The following HIVEP1 variants were observed in gnomAD, a reference collection of about 807,000 sequenced individuals.
HIVEP1 encodes zinc finger protein 40.
In HIVEP1, 36 loss-of-function variants were observed where a neutral mutation model predicts 180.0. The ratio of observed to expected loss-of-function variants is 0.20; its 90% CI spans 0.15 to 0.26. HIVEP1 has a LOEUF of 0.26. Ranked by LOEUF, HIVEP1 falls within the 10% of genes least tolerant of loss-of-function variation. The probability of loss-of-function intolerance (pLI) is 1.00; values close to 1 mark genes in which losing one functional copy is unlikely to be tolerated. For missense variants in HIVEP1, 3,143 were observed against 3,268.7 expected, an observed-to-expected ratio of 0.96 and a Z score of 0.94; for synonymous variants, 1,239 against 1,239.0, an observed-to-expected ratio of 1.00 and a Z score of 0.00.
chr6:12,049,625 G>A (rs1343715386), intron 2 of HIVEP1, among the ~76,000 whole-genome samples: 1 of 152,194 alleles, frequency 6.6e-6, no homozygotes, highest in African/African-American at 2.4e-5. Flanking sequence ...GTATTTTTCT[G>A]TCTGCTTGCT....
rs1001160729 is a variant in HIVEP1, at chr6:12,121,269, A to G, written c.1474A>G (p.Ser492Gly). The change falls in exon 4 of 9, where the codon AGT (serine) becomes GGT (glycine). Residue 492 changes from serine (S) to glycine (G), a missense_variant. Ser to Gly is a moderately conservative substitution (Grantham distance 56). Coordinates refer to ENST00000379388, the MANE Select transcript of HIVEP1 (RefSeq NM_002114.4). This position sits in a 1 kb window ranked among gnomAD's most constrained non-coding sequence, Gnocchi z 5.3. ...TAGTATTCATTCAGACGTAGAAGAC[A>G]GTGGGGAGAGCGAGGAGGAAGGCGC... is the stretch of plus-strand genomic sequence containing the variant. ...ALSIHSDVED[S>G]GESEEEGATD... 4 of 1,614,060 alleles carry G rather than the reference A, an allele frequency of 2.5e-6. No individual in the cohort carries two copies. The highest frequency in any genetic ancestry group is 3.4e-6 in the Non-Finnish European group (4 of 1,180,050).
chr6:12,172,973 C>A, the HIVEP1 span, among the ~76,000 whole-genome samples: 69 of 152,008 alleles, frequency 4.5e-4, 2 homozygotes, highest in South Asian at 2.1e-4. Flanking sequence ...GATTTTGTAA[C>A]CTTTTTCTTT....
At chr6:12,104,793 A>AT (rs1774331305) in intron 3 of HIVEP1, among the ~76,000 whole-genome samples, 2 of 151,758 alleles carry the variant, frequency 1.3e-5, no homozygotes, top group South Asian at 4.2e-4. Context: ...CTATTATGGT[A>AT]TTTTTTTCAA....
intron 2 of HIVEP1, among the ~76,000 whole-genome samples, chr6:12,042,380 C>T (rs1340399301): frequency 4.8e-5 from 5 of 103,226 alleles, no homozygotes; most frequent in African/African-American, 1.1e-4. Flanking sequence ...CGCACCCGGC[C>T]GCTTTTTTTT....
chr6:12,151,281 TG>T (rs1759686502), intron 7 of HIVEP1, among the ~76,000 whole-genome samples: 2 of 152,188 alleles, frequency 1.3e-5, no homozygotes, highest in African/African-American at 4.8e-5. Context: ...GGAATGTGGC[TG>T]GGAGGACATA....
At chr6:12,202,657 C>T in the HIVEP1 span, among the ~76,000 whole-genome samples, 2 of 151,924 alleles carry the variant, frequency 1.3e-5, no homozygotes, top group Non-Finnish European at 2.9e-5. Context: ...TTGGATAAAC[C>T]AAGGAGTTGG....
downstream of HIVEP1, among the ~76,000 whole-genome samples, chr6:12,169,444 C>T (rs915286844): frequency 2.6e-5 from 4 of 152,218 alleles, no homozygotes; most frequent in Non-Finnish European, 4.4e-5. Flanking sequence ...TTGAAGAAAA[C>T]GCCCAGACAT....
intron 2 of HIVEP1, among the ~76,000 whole-genome samples, chr6:12,054,927 A>G (rs992045087): frequency 1.3e-5 from 2 of 152,346 alleles, no homozygotes; most frequent in Non-Finnish European, 2.9e-5. Flanking sequence ...TACCTTTGTT[A>G]GCTTCAGTTT....
At chr6:12,197,161 C>T in the HIVEP1 span, among the ~76,000 whole-genome samples, 2 of 152,106 alleles carry the variant, frequency 1.3e-5, no homozygotes, top group Non-Finnish European at 2.9e-5. Flanking sequence ...CTGGCCTTGT[C>T]AATTAAAAGA....
At chr6:12,047,854 C>T (rs575132937) in intron 2 of HIVEP1, among the ~76,000 whole-genome samples, 3 of 152,276 alleles carry the variant, frequency 2.0e-5, no homozygotes, top group South Asian at 2.1e-4. Context: ...TTAGTTTCCT[C>T]GATAAGCTGG....
intron 2 of HIVEP1, among the ~76,000 whole-genome samples, chr6:12,042,071 G>A (rs1400356399): frequency 2.1e-5 from 3 of 146,194 alleles, no homozygotes; most frequent in African/African-American, 2.6e-5. Flanking sequence ...ATATTCGTAC[G>A]CTTTTTTTTT....
Position 12,051,707 on chromosome 6 carries a change from G to A in HIVEP1, c.40+36039G>A, listed in dbSNP as rs184968973. Among the ~76,000 whole-genome samples the A allele has an allele frequency of 3.0e-3, 417 of 140,478 alleles. 1 individual carries two copies. Among genetic ancestry groups the A allele is most frequent in the Non-Finnish European group, 5.0e-3 (306 of 61,796 alleles). 92.2% of individuals were successfully genotyped at this position (140,478 alleles called of 152,430 possible). A position where few individuals can be genotyped will look rare whatever the true frequency, so the allele number is the denominator to read the frequency against. The stretch of plus-strand genomic sequence containing the variant: ...GGAGGTGGTGGGGAGGGTGGTACAT[G>A]AATGGGTATTACTAAAATTACTTTA... On this transcript the variant is annotated intron_variant, in intron 2 of 8. Transcript: ENST00000379388.
intron 2 of HIVEP1, among the ~76,000 whole-genome samples, chr6:12,079,506 A>G (rs1772621882): frequency 6.6e-6 from 1 of 152,190 alleles, no homozygotes; most frequent in African/African-American, 2.4e-5. Context: ...GATAAGGCAG[A>G]CAGATGCTGC....
At chr6:12,080,526 A>G (rs181790251) in intron 2 of HIVEP1, among the ~76,000 whole-genome samples, 2 of 152,294 alleles carry the variant, frequency 1.3e-5, no homozygotes, top group East Asian at 3.9e-4. Context: ...GCTCAGTGTA[A>G]CACATTTGTT....
chr6:12,181,633 C>A, the HIVEP1 span, among the ~76,000 whole-genome samples: 1 of 152,124 alleles, frequency 6.6e-6, no homozygotes, highest in Non-Finnish European at 1.5e-5. Flanking sequence ...TGAAGTAATC[C>A]AAAAGAAAAG....
At chr6:12,191,277 C>T in the HIVEP1 span, among the ~76,000 whole-genome samples, 6 of 152,080 alleles carry the variant, frequency 3.9e-5, no homozygotes, top group African/African-American at 1.4e-4. Flanking sequence ...AAACATTGTC[C>T]GTTGTCAACC....
intron 3 of HIVEP1, among the ~76,000 whole-genome samples, chr6:12,116,402 A>G (rs1030862082): frequency 6.6e-6 from 1 of 151,960 alleles, no homozygotes; most frequent in Non-Finnish European, 1.5e-5. Context: ...AGGGGTGGAG[A>G]GTGAAAAATG....
chr6:12,103,720 C>T (rs1336562084), intron 3 of HIVEP1, among the ~76,000 whole-genome samples: 1 of 151,282 alleles, frequency 6.6e-6, no homozygotes, highest in East Asian at 2.0e-4. Context: ...TTCTTATTTT[C>T]TTCCTCAGAG....
At chr6:12,027,947 T>C (rs1581524933) in intron 2 of HIVEP1, among the ~76,000 whole-genome samples, 3 of 152,242 alleles carry the variant, frequency 2.0e-5, no homozygotes, top group Non-Finnish European at 2.9e-5. Context: ...TTTCGTGTTA[T>C]GGTTTTGTTT....
Sources: allele counts gnomAD v4.1 joint callset (sites outside exome capture counted in the v4.1 genomes callset), GRCh38; gene constraint gnomAD v4.1.1; non-coding constraint Gnocchi (gnomAD v3.1); transcripts MANE v1.5; gene names NCBI Gene and HGNC (gene_info 2026-07-23, HGNC 2026-07-21).